The following WASHC3 variants were observed in gnomAD, a reference collection of about 807,000 sequenced individuals.
WASHC3 encodes the protein WASH complex subunit 3.
A neutral mutation model predicts 26.1 loss-of-function variants in WASHC3; 24 were observed. The ratio of observed to expected loss-of-function variants is 0.92; its 90% CI spans 0.66 to 1.29. The LOEUF (loss-of-function observed/expected upper bound fraction) is 1.29, where lower values mean the gene tolerates loss of function less well. WASHC3 is among the 50% of genes most tolerant of loss of function. The probability of loss-of-function intolerance (pLI) is 0.00; values close to 1 mark genes in which losing one functional copy is unlikely to be tolerated. For missense variants in WASHC3, 214 were observed against 229.6 expected (o/e 0.93, Z 0.44); for synonymous variants, 77 against 75.7 (o/e 1.02, Z -0.09).
chr12:102,014,010 A>C (rs374532103), intron 6 of WASHC3, among the ~76,000 whole-genome samples: 1 of 151,666 alleles, frequency 6.6e-6, no homozygotes, highest in Admixed American at 6.6e-5. Flanking sequence ...AAAGTAAATT[A>C]AGCAAGAAAA....
At chr12:102,036,362 CAA>C (rs1271595888) in intron 5 of WASHC3, among the ~76,000 whole-genome samples, 2 of 71,968 alleles carry the variant, frequency 2.8e-5, no homozygotes, top group Non-Finnish European at 2.9e-5. Flanking sequence ...GACTCCGTCT[CAA>C]AAAAAAAAAA....
At chr12:102,044,068 A>T in intron 4 of WASHC3, 37 bp downstream of exon 4, 1 of 1,128,610 alleles carries the variant, frequency 8.9e-7, no homozygotes, top group Admixed American at 2.0e-5. Context: ...ATCAGTTTCA[A>T]CCAAGAACAT....
intron 6 of WASHC3, chr12:102,017,619 A>G: frequency 3.5e-6 from 1 of 289,218 alleles, no homozygotes; most frequent in Non-Finnish European, 6.7e-6. Context: ...ACAGTAGATG[A>G]GATTAGAACA....
chr12:102,052,811 G>A lies in WASHC3; in HGVS notation c.151-6692C>T, dbSNP rs77264432. Among the ~76,000 whole-genome samples, 40 of 152,142 alleles carry A rather than the reference G, an allele frequency of 2.6e-4. No individual in the cohort carries two copies. In the East Asian group the frequency reaches 7.2e-3, roughly 27 times the overall value. ...ACACAGGCTCCAGGACCATCCCTGT[G>A]GACTCAAGTTCCAGGCTAGCCACTA... On this transcript the variant is annotated intron_variant, in intron 2 of 6. Transcript: ENST00000240079.
At chr12:102,044,073 G>T in intron 4 of WASHC3, 32 bp downstream of exon 4, 4 of 1,175,454 alleles carry the variant, frequency 3.4e-6, no homozygotes, top group South Asian at 2.7e-5. Context: ...TTTCAACCAA[G>T]AACATCTGCT....
chr12:102,035,881 T>C (rs1204397452), intron 5 of WASHC3, among the ~76,000 whole-genome samples: 8 of 152,222 alleles, frequency 5.3e-5, no homozygotes, highest in African/African-American at 1.9e-4. Context: ...AAAGGAGCTA[T>C]TACTTCTAGC....
rs565410063 is a variant in WASHC3 at position 102,057,635 on chromosome 12, T to TG, written c.150+3612dup. 5.5e-4 allele frequency among the ~76,000 whole-genome samples: 83 copies of TG among 149,992 alleles called. No individual in the cohort carries two copies. In the East Asian group the frequency reaches 0.013, roughly 23 times the overall value. Reference sequence around the variant, plus strand: ...TTCTATACACTAAAAGTAAACTATCTGAAAAAAAAGAAAAAAAATCTCATT... The same window carrying TG: ...TTCTATACACTAAAAGTAAACTATCTGGAAAAAAAAGAAAAAAAATCTCATT... On this transcript the variant is annotated intron_variant, in intron 2 of 6. Transcript: ENST00000240079.
intron 5 of WASHC3, among the ~76,000 whole-genome samples, chr12:102,030,506 T>C (rs563882552): frequency 1.4e-4 from 22 of 152,190 alleles, no homozygotes; most frequent in African/African-American, 5.3e-4. Context: ...TTTTAATCAC[T>C]GTAAAATGAA....
chr12:102,036,941 A>G (rs911987391), intron 5 of WASHC3, among the ~76,000 whole-genome samples: 10 of 152,208 alleles, frequency 6.6e-5, no homozygotes, highest in African/African-American at 2.4e-4. Flanking sequence ...TAAAAATAAA[A>G]CAACTATTTA....
At chr12:102,015,301 G>C (rs925749467) in intron 6 of WASHC3, among the ~76,000 whole-genome samples, 10 of 151,528 alleles carry the variant, frequency 6.6e-5, no homozygotes, top group Admixed American at 1.3e-4. Flanking sequence ...AAAAAAAAAA[G>C]GAAAAGGGTA....
intron 6 of WASHC3, among the ~76,000 whole-genome samples, chr12:102,023,413 C>G (rs1170585135): frequency 6.6e-6 from 1 of 152,092 alleles, no homozygotes; most frequent in Non-Finnish European, 1.5e-5. Flanking sequence ...TATGTTTATA[C>G]TTTAAAAGAA....
rs574665876 is a variant in WASHC3, at chr12:102,036,790, T to C, written c.435+3078A>G. ...CGAAGGCAGAAAGGAGACAAAGGGC[T>C]AACAACAGAAAAATTTGTCTTAAAT... On this transcript the variant is annotated intron_variant, in intron 5 of 6. Transcript: ENST00000240079. Among the ~76,000 whole-genome samples the C allele has an allele frequency of 3.9e-4, 59 of 152,204 alleles. No homozygotes were observed. In the South Asian group the frequency reaches 9.5e-3, roughly 25 times the overall value.
In WASHC3 at chr12:102,018,519, C is replaced by T. The variant is rs189517479; in HGVS notation, c.501-5327G>A. Among the ~76,000 whole-genome samples the T allele has an allele frequency of 7.2e-3, 1,103 of 152,334 alleles. 8 individuals are homozygous for T. Among genetic ancestry groups the T allele is most frequent in the Middle Eastern group, 0.014 (4 of 294 alleles). On this transcript the variant is annotated intron_variant, in intron 6 of 6. Coordinates refer to ENST00000240079, the MANE Select transcript of WASHC3 (RefSeq NM_016053.4). ...ACAAGGTCTCATTCTGTTGCCCAGG[C>T]TGGAGTGCAGTGGCACGGTCAGAGC...
chr12:102,057,913 A>G (rs1878656959), intron 2 of WASHC3, among the ~76,000 whole-genome samples: 1 of 152,082 alleles, frequency 6.6e-6, no homozygotes, highest in East Asian at 1.9e-4. Context: ...AAAAAATCCT[A>G]AAATTCATAC....
At chr12:102,053,302 A>C (rs1274809108) in intron 2 of WASHC3, among the ~76,000 whole-genome samples, 1 of 152,038 alleles carries the variant, frequency 6.6e-6, no homozygotes, top group Non-Finnish European at 1.5e-5. Flanking sequence ...CCACCCCTAT[A>C]GAGCTAATCA....
At chr12:102,033,957 A>G (rs1443627157) in intron 5 of WASHC3, among the ~76,000 whole-genome samples, 1 of 152,066 alleles carries the variant, frequency 6.6e-6, no homozygotes, top group Non-Finnish European at 1.5e-5. Flanking sequence ...CTAAAACTGA[A>G]TTTTGAGTGG....
At chr12:102,042,976 G>A (rs1266002135) in intron 4 of WASHC3, among the ~76,000 whole-genome samples, 1 of 152,166 alleles carries the variant, frequency 6.6e-6, no homozygotes, top group Non-Finnish European at 1.5e-5. Flanking sequence ...AGAAGCATAA[G>A]TAAATGTTAA....
chr12:102,020,213 T>TC (rs1876893753), intron 6 of WASHC3, among the ~76,000 whole-genome samples: 1 of 152,192 alleles, frequency 6.6e-6, no homozygotes, highest in African/African-American at 2.4e-5. Flanking sequence ...GGAGCTATGT[T>TC]CCCAGGCTTC....
chr12:102,020,683 GTTA>G (rs1418369326), intron 6 of WASHC3, among the ~76,000 whole-genome samples: 1 of 152,190 alleles, frequency 6.6e-6, no homozygotes. Context: ...TGATGAGGTA[GTTA>G]TTATTCAAAT....
Sources: gnomAD v4.1 joint callset for allele counts (sites outside exome capture counted in the v4.1 genomes callset) on GRCh38, gnomAD v4.1.1 for gene constraint, MANE v1.5 for transcripts, NCBI Gene and HGNC (gene_info 2026-07-23, HGNC 2026-07-21) for gene names.